Variants in ATP10B observed in about 807,000 individuals in gnomAD.
ATP10B encodes ATPase phospholipid transporting 10B (putative).
Under a neutral mutation model 141.2 loss-of-function variants are expected in ATP10B, and 122 were observed. The observed-to-expected ratio is 0.86, with a 90% CI of 0.75 to 1.00. The LOEUF (loss-of-function observed/expected upper bound fraction) is 1.00. ATP10B is among the 50% of genes least tolerant of loss of function. The probability of loss-of-function intolerance (pLI) is 0.00; values close to 1 mark genes in which losing one functional copy is unlikely to be tolerated. For synonymous variants in ATP10B, 685 were observed against 692.0 expected, an observed-to-expected ratio of 0.99 and a Z score of 0.16; for missense variants, 1,876 against 1,825.3, an observed-to-expected ratio of 1.03 and a Z score of -0.51.
At chr5:160,698,842 A>G (rs1375802926) in intron 3 of ATP10B, among the ~76,000 whole-genome samples, 4 of 152,206 alleles carry the variant, frequency 2.6e-5, no homozygotes, top group Admixed American at 6.5e-5. Flanking sequence ...GAAATAGCCA[A>G]TTAGTGAATT....
intron 1 of ATP10B, among the ~76,000 whole-genome samples, chr5:160,842,882 C>A (rs193252331): frequency 1.3e-5 from 2 of 152,030 alleles, no homozygotes; most frequent in Non-Finnish European, 2.9e-5. Context: ...TAAGGAGTAC[C>A]ATCAATCTTA....
At chr5:160,806,592 G>T (rs938589039) in intron 1 of ATP10B, among the ~76,000 whole-genome samples, 42 of 152,188 alleles carry the variant, frequency 2.8e-4, no homozygotes, top group Admixed American at 2.7e-3. Flanking sequence ...GTCTAAGGAA[G>T]GGGGGGATAA....
At chr5:160,728,950 A>G (rs1022209173) in intron 2 of ATP10B, among the ~76,000 whole-genome samples, 10 of 152,134 alleles carry the variant, frequency 6.6e-5, no homozygotes, top group African/African-American at 2.2e-4. Flanking sequence ...AGGCCTGGGA[A>G]TGGTGGTTTG....
chr5:160,877,622 A>T, the ATP10B span, among the ~76,000 whole-genome samples: 41 of 150,744 alleles, frequency 2.7e-4, no homozygotes, highest in African/African-American at 8.7e-4. Flanking sequence ...ACATGATTGT[A>T]TATCTAGAAA....
chr5:160,636,243 C>G lies in ATP10B; in HGVS notation c.1067G>C (p.Ser356Thr), dbSNP rs770360330. The change falls in exon 11 of 26, where the codon AGC becomes ACC. Residue 356 changes from serine to threonine, a missense_variant. Physicochemically the swap from Ser to Thr is moderately conservative, Grantham distance 58 (BLOSUM62 1). Coordinates refer to ENST00000327245, the MANE Select transcript of ATP10B (RefSeq NM_025153.3). ...GCCCCCAAGGGCACTGGGAAGGAAG[C>G]TGCCATTGGCATCTGGCACATCGAA... ...PPFDVPDANG[S>T]FLPSALGGFY... 1.9e-6 allele frequency: 3 copies of G among 1,613,706 alleles called. No individual in the cohort carries two copies. The Admixed American group carries it at 5.0e-5, about 27-fold the overall frequency.
chr5:160,823,564 A>G (rs1774338798), intron 1 of ATP10B, among the ~76,000 whole-genome samples: 1 of 152,226 alleles, frequency 6.6e-6, no homozygotes, highest in Non-Finnish European at 1.5e-5. Flanking sequence ...AAATTTAAGA[A>G]AACATATTTC....
the ATP10B span, among the ~76,000 whole-genome samples, chr5:160,896,673 G>A: frequency 1.4e-3 from 208 of 152,238 alleles, 4 homozygotes; most frequent in East Asian, 0.037. Flanking sequence ...GAAAAAGAGG[G>A]ACTCCTCCCT....
At chr5:160,721,071 G>A (rs1323535707) in intron 2 of ATP10B, among the ~76,000 whole-genome samples, 1 of 152,068 alleles carries the variant, frequency 6.6e-6, no homozygotes, top group Non-Finnish European at 1.5e-5. Flanking sequence ...ATAATAAAAA[G>A]CAGTTTAAAC....
chr5:160,685,030 C>T (rs902214676), intron 6 of ATP10B: 12 of 703,416 alleles, frequency 1.7e-5, no homozygotes, highest in South Asian at 8.9e-5. Context: ...ATTGGCAAAC[C>T]GGTGTAGCTG....
intron 2 of ATP10B, among the ~76,000 whole-genome samples, chr5:160,719,148 C>A (rs1765837836): frequency 6.6e-6 from 1 of 152,174 alleles, no homozygotes; most frequent in Non-Finnish European, 1.5e-5. Context: ...CGCCTGTAAT[C>A]CCAGCACTTT....
At chr5:160,812,014 C>CAG (rs759424951) in intron 1 of ATP10B, among the ~76,000 whole-genome samples, 12 of 117,926 alleles carry the variant, frequency 1.0e-4, no homozygotes, top group African/African-American at 3.3e-4. Flanking sequence ...GAGACAGAGA[C>CAG]AGAGACAGAG....
At chr5:160,571,615 T>C (rs1331953811) in intron 24 of ATP10B, among the ~76,000 whole-genome samples, 1 of 152,222 alleles carries the variant, frequency 6.6e-6, no homozygotes, top group Non-Finnish European at 1.5e-5. Flanking sequence ...TGCTAAAAGT[T>C]AGACACAACT....
At position 160,817,443 on chromosome 5, in the gene ATP10B, A is replaced by C. The variant is rs189755556; in HGVS notation, c.-575-31640T>G. On this transcript the variant is annotated intron_variant, in intron 1 of 25. Coordinates refer to ENST00000327245, the MANE Select transcript of ATP10B (RefSeq NM_025153.3). ...AAAATACCTAGGAATCCAACTTACA[A>C]GGGACATGAAGGACCTCTTCAATAA... is the stretch of plus-strand genomic sequence containing the variant. 1.4e-3 allele frequency among the ~76,000 whole-genome samples: 210 copies of C among 152,350 alleles called. 1 individual carries two copies. The highest frequency in any genetic ancestry group is 7.3e-5 in the Non-Finnish European group (5 of 68,030).
chr5:160,834,821 A>G (rs1775318337), intron 1 of ATP10B, among the ~76,000 whole-genome samples: 1 of 152,044 alleles, frequency 6.6e-6, no homozygotes, highest in South Asian at 2.1e-4. Flanking sequence ...TTTTTCCTTG[A>G]GGACTGAGGA....
intron 22 of ATP10B, 83 bp from the exon 23 acceptor site, chr5:160,591,222 C>A (rs1008993010): frequency 1.8e-6 from 2 of 1,110,664 alleles, no homozygotes; most frequent in Non-Finnish European, 2.7e-6. Context: ...CATGTGGCTG[C>A]GACAGACAAC....
At chr5:160,661,632 C>T (rs1193597522) in intron 7 of ATP10B, among the ~76,000 whole-genome samples, 1 of 152,082 alleles carries the variant, frequency 6.6e-6, no homozygotes, top group African/African-American at 2.4e-5. Flanking sequence ...ATATTATTCT[C>T]TCCAGTTTTG....
In ATP10B at chr5:160,606,809, A is replaced by T. The variant is rs1757419522; in HGVS notation, c.3116T>A (p.Val1039Asp). The change falls in exon 19 of 26, where the codon GTC (valine) becomes GAC (aspartate). Residue 1039 changes from valine (V) to aspartate (D), a missense_variant. Coordinates refer to ENST00000327245, the MANE Select transcript of ATP10B (RefSeq NM_025153.3). ...GCGCAACTTGTCTCGCACCAGCTTG[A>T]CTATCATACTCTTCTGGAGTGGCGT... ...RSTPLQKSMI[V>D]KLVRDKLRVM... The T allele has an allele frequency of 6.2e-7, 1 of 1,613,964 alleles. No individual in the cohort carries two copies. The highest frequency in any genetic ancestry group is 1.7e-5 in the Admixed American group (1 of 59,996).
In ATP10B at chr5:160,637,041, A is replaced by AATCCATCCATCCATCC. The variant is rs201357056; in HGVS notation, c.1001-748_1001-733dup. On this transcript the variant is annotated intron_variant, in intron 10 of 25. Transcript: ENST00000327245. ...CTATCCATCCATCCATCCATCCATGAATCCATCCATCCATCCATCCATCCA... is the reference window on the plus strand; with the variant it reads ...CTATCCATCCATCCATCCATCCATGAATCCATCCATCCATCCATCCATCCATCCATCCATCCATCCA... Among the ~76,000 whole-genome samples, 228 of 55,908 alleles carry AATCCATCCATCCATCC rather than the reference A, an allele frequency of 4.1e-3. 6 individuals are homozygous for AATCCATCCATCCATCC. Among genetic ancestry groups the AATCCATCCATCCATCC allele is most frequent in the Middle Eastern group, 0.019 (1 of 54 alleles). The allele number at this position is 55,908 out of a possible 152,430, so 36.7% of individuals were successfully genotyped here. A position where few individuals can be genotyped will look rare whatever the true frequency, so the allele number is the denominator to read the frequency against.
At chr5:160,739,830 A>C (rs1581443566) in intron 2 of ATP10B, among the ~76,000 whole-genome samples, 1 of 105,860 alleles carries the variant, frequency 9.4e-6, no homozygotes, top group Non-Finnish European at 2.3e-5. Flanking sequence ...GTTTTTTAAA[A>C]TTGTATTTTA....
Sources: gnomAD v4.1 joint callset for allele counts (sites outside exome capture counted in the v4.1 genomes callset) on GRCh38, gnomAD v4.1.1 for gene constraint, MANE v1.5 for transcripts, NCBI Gene and HGNC (gene_info 2026-07-23, HGNC 2026-07-21) for gene names.